The following RGS5 variants were observed in gnomAD, a reference collection of about 807,000 sequenced individuals.
RGS5 encodes regulator of G-protein signalling 5.
Under a neutral mutation model 18.9 loss-of-function variants are expected in RGS5, and 20 were observed. The ratio of observed to expected loss-of-function variants is 1.06; its 90% CI spans 0.74 to 1.54. RGS5 has a LOEUF of 1.54. Ranked by LOEUF, RGS5 falls within the 40% of genes most tolerant of loss-of-function variation. RGS5 has a pLI of 0.00. For missense variants in RGS5, 201 were observed against 211.8 expected, an observed-to-expected ratio of 0.95 and a Z score of 0.32; for synonymous variants, 57 against 76.2, an observed-to-expected ratio of 0.75 and a Z score of 1.31.
At chr1:163,310,500 G>A (rs575401415) in intron 1 of RGS5, among the ~76,000 whole-genome samples, 3 of 151,420 alleles carry the variant, frequency 2.0e-5, no homozygotes, top group East Asian at 1.9e-4. Context: ...GCATGAACCC[G>A]GGAGGTGGAG....
chr1:163,202,782 T>C lies in RGS5; in HGVS notation c.44+10A>G, dbSNP rs765018571. On this transcript the variant is annotated intron_variant, in intron 1 of 4. Transcript: ENST00000313961. Reference sequence around the variant, plus strand: ...CTGCATCTCTTAAACAAAAATAACTTGGTTCTCACCTTTCCAGGCATGAGT... The same window carrying C: ...CTGCATCTCTTAAACAAAAATAACTCGGTTCTCACCTTTCCAGGCATGAGT... 9.9e-6 allele frequency: 16 copies of C among 1,613,100 alleles called. No homozygotes were observed. Among genetic ancestry groups the C allele is most frequent in the Admixed American group, 1.7e-5 (1 of 59,888 alleles).
intron 2 of RGS5, among the ~76,000 whole-genome samples, chr1:163,234,142 A>G (rs1647557936): frequency 6.6e-6 from 1 of 152,206 alleles, no homozygotes; most frequent in Admixed American, 6.5e-5. Context: ...ATAAGATCAC[A>G]TATGCTTGCC....
intron 2 of RGS5, among the ~76,000 whole-genome samples, chr1:163,241,173 T>C (rs1557916498): frequency 1.3e-5 from 2 of 152,338 alleles, no homozygotes; most frequent in Admixed American, 6.5e-5. Flanking sequence ...ATAACTGATA[T>C]TGTATTATGT....
chr1:163,161,749 G>A, intron 3 of RGS5, 166 bp downstream of exon 3: 2 of 552,384 alleles, frequency 3.6e-6, no homozygotes, highest in Non-Finnish European at 3.3e-6. Flanking sequence ...CTTTTCTTGT[G>A]AACTGGATAA....
chr1:163,143,409 A>C lies in RGS5; in HGVS notation c.*3933T>G, dbSNP rs763825676. 6.6e-6 allele frequency: 1 copy of C among 152,172 alleles called. No homozygotes were observed. The highest frequency in any genetic ancestry group is 2.4e-5 in the African/African-American group (1 of 41,452). The allele number at this position is 152,172 out of a possible 1,614,324, so 9.4% of individuals were successfully genotyped here. A position where few individuals can be genotyped will look rare whatever the true frequency, so the allele number is the denominator to read the frequency against. On this transcript the variant is annotated 3_prime_UTR_variant, in exon 5 of 5. Transcript: ENST00000313961. Reference sequence around the variant, plus strand: ...CTATTCTCTGCTTTCTGGCACATGCAAGCCAGATATGGACAGGAAACCCTC... The same window carrying C: ...CTATTCTCTGCTTTCTGGCACATGCCAGCCAGATATGGACAGGAAACCCTC...
chr1:163,249,382 A>C (rs935723628), intron 2 of RGS5, among the ~76,000 whole-genome samples: 1 of 152,236 alleles, frequency 6.6e-6, no homozygotes, highest in African/African-American at 2.4e-5. Flanking sequence ...TTTTCACAAC[A>C]TGAAAGATGA....
At chr1:163,221,100 C>A (rs201540958), upstream of RGS5, among the ~76,000 whole-genome samples, 8 of 152,256 alleles carry the variant, frequency 5.3e-5, no homozygotes, top group East Asian at 1.5e-3. Context: ...CTCTGGTCAG[C>A]CCTTCCCACC....
At chr1:163,237,711 G>T (rs6695491) in intron 2 of RGS5, 22,335 of 151,916 alleles carry the variant, frequency 0.15, 1,971 homozygotes, top group Non-Finnish European at 0.19. Context: ...GAAAAAAGCA[G>T]GAGGGCAGGA....
chr1:163,267,783 CT>C (rs201014151), intron 2 of RGS5, among the ~76,000 whole-genome samples: 16 of 151,646 alleles, frequency 1.1e-4, no homozygotes, highest in African/African-American at 2.4e-4. Context: ...ATTTTCTGAA[CT>C]TTTTTTTTCT....
upstream of RGS5, among the ~76,000 whole-genome samples, chr1:163,219,719 T>G (rs575345486): frequency 4.6e-5 from 7 of 152,276 alleles, no homozygotes; most frequent in Non-Finnish European, 8.8e-5. Flanking sequence ...CAAAAGTTCC[T>G]TGGGTTCTGC....
intron 2 of RGS5, among the ~76,000 whole-genome samples, chr1:163,261,501 A>G (rs938803189): frequency 6.6e-6 from 1 of 152,188 alleles, no homozygotes; most frequent in African/African-American, 2.4e-5. Context: ...ACATCAGAGA[A>G]AAAAAGGAAG....
At chr1:163,203,492 C>A (rs867560296), upstream of RGS5, among the ~76,000 whole-genome samples, 2 of 152,162 alleles carry the variant, frequency 1.3e-5, no homozygotes, top group Non-Finnish European at 2.9e-5. Flanking sequence ...TGTTGTGAGC[C>A]TTCAGGAAGC....
At chr1:163,202,943 A>G, upstream of RGS5, 2 of 1,011,394 alleles carry the variant, frequency 2.0e-6, no homozygotes, top group Non-Finnish European at 1.5e-6. Flanking sequence ...TGAGGTATAT[A>G]TAGAAGCTCT....
chr1:163,176,374 C>A (rs1346224051), intron 1 of RGS5, among the ~76,000 whole-genome samples: 1 of 152,200 alleles, frequency 6.6e-6, no homozygotes, highest in Non-Finnish European at 1.5e-5. Context: ...GTAATCCCAT[C>A]ACTTTGGGAG....
chr1:163,220,294 GT>G (rs1434734638), upstream of RGS5, among the ~76,000 whole-genome samples: 1 of 148,794 alleles, frequency 6.7e-6, no homozygotes, highest in Non-Finnish European at 1.5e-5. Context: ...CTTTTTAAAT[GT>G]TTTTTTCTGC....
intron 4 of RGS5, among the ~76,000 whole-genome samples, chr1:163,150,104 T>A (rs770815780): frequency 3.3e-5 from 5 of 152,182 alleles, no homozygotes; most frequent in African/African-American, 4.8e-5. Context: ...CAGCTCAGGA[T>A]CATTATTCTA....
At chr1:163,231,556 C>T (rs902671925) in intron 2 of RGS5, among the ~76,000 whole-genome samples, 7 of 152,052 alleles carry the variant, frequency 4.6e-5, no homozygotes, top group Admixed American at 1.3e-4. Flanking sequence ...CAGGAATAAA[C>T]GTTGGGTCTA....
At chr1:163,157,566 G>A (rs1657633534) in intron 3 of RGS5, among the ~76,000 whole-genome samples, 1 of 152,134 alleles carries the variant, frequency 6.6e-6, no homozygotes, top group Non-Finnish European at 1.5e-5. Context: ...ATGAATGTAA[G>A]GAATTCTTGG....
At chr1:163,266,693 T>C (rs1648580316) in intron 2 of RGS5, 2 of 152,186 alleles carry the variant, frequency 1.3e-5, no homozygotes, top group East Asian at 3.9e-4. Flanking sequence ...AGTCATTTTA[T>C]TTTTTGTACT....
Sources: gnomAD v4.1 joint callset for allele counts (sites outside exome capture counted in the v4.1 genomes callset) on GRCh38, gnomAD v4.1.1 for gene constraint, MANE v1.5 for transcripts, NCBI Gene and HGNC (gene_info 2026-07-23, HGNC 2026-07-21) for gene names.